Variants in PTH2R observed in about 807,000 individuals in gnomAD.
PTH2R encodes the protein PTH2 receptor.
Under a neutral mutation model 60.3 loss-of-function variants are expected in PTH2R, and 59 were observed. The observed-to-expected ratio is 0.98, with a 90% CI of 0.79 to 1.22. The LOEUF is 1.22. Among genes scored for constraint, PTH2R ranks in the 50% most tolerant of loss-of-function variants. The pLI is 0.00. For synonymous variants in PTH2R, 256 were observed against 243.8 expected (o/e 1.05, Z -0.47); for missense variants, 749 against 682.6 (o/e 1.10, Z -1.08).
chr2:208,420,917 A>T (rs977678097), intron 1 of PTH2R, among the ~76,000 whole-genome samples: 3 of 152,240 alleles, frequency 2.0e-5, no homozygotes, highest in Non-Finnish European at 2.9e-5. Flanking sequence ...GAATCCTTTC[A>T]TAGCCACAAC....
At chr2:208,426,288 A>G (rs1375113971) in intron 1 of PTH2R, among the ~76,000 whole-genome samples, 1 of 152,186 alleles carries the variant, frequency 6.6e-6, no homozygotes, top group Non-Finnish European at 1.5e-5. Flanking sequence ...TCCAGGAAAA[A>G]TTACTAACAT....
chr2:208,364,037 T>C (rs113044678), intron 1 of PTH2R, among the ~76,000 whole-genome samples: 4 of 152,286 alleles, frequency 2.6e-5, no homozygotes, highest in African/African-American at 9.6e-5. Flanking sequence ...TCAATTTTTG[T>C]TTTTGTTGCT....
intron 9 of PTH2R, among the ~76,000 whole-genome samples, chr2:208,463,202 C>T (rs1055176224): frequency 6.6e-6 from 1 of 152,134 alleles, no homozygotes; most frequent in African/African-American, 2.4e-5. Context: ...CTCATCTTCT[C>T]CCTCCTGCTG....
intron 1 of PTH2R, among the ~76,000 whole-genome samples, chr2:208,368,423 G>T (rs2125868135): frequency 6.6e-6 from 1 of 152,168 alleles, no homozygotes; most frequent in Admixed American, 6.5e-5. Context: ...TTCTTATACT[G>T]CCCCACCATT....
rs540162132 is a variant in PTH2R at position 208,477,282 on chromosome 2, C to T, written c.982-3788C>T. 3.3e-5 allele frequency among the ~76,000 whole-genome samples: 5 copies of T among 152,212 alleles called. No homozygotes were observed. The East Asian group carries it at 9.7e-4, about 29-fold the overall frequency. ...GCTTCTGAGAATAAGTGACATTCAG[C>T]CTGAACCCTGAGAACTTGGCTAGGA... is the stretch of plus-strand genomic sequence containing the variant. On this transcript the variant is annotated intron_variant, in intron 9 of 12. Coordinates refer to ENST00000272847, the MANE Select transcript of PTH2R (RefSeq NM_005048.4).
Position 208,493,374 on chromosome 2 carries a change from G to T in PTH2R, c.1368G>T (p.Thr456=). The T allele has an allele frequency of 1.2e-6, 2 of 1,608,268 alleles. No homozygotes were observed. Among genetic ancestry groups the T allele is most frequent in the South Asian group, 1.1e-5 (1 of 90,322 alleles). The part of the protein sequence containing the change: ...RRCGSVLTTV[T]HSTSSQSQVA... ...GCGGCTCAGTGCTCACCACCGTGAC[G>T]CACAGCACCAGCAGCCAGTCACAGG... The change falls in exon 13 of 13, where the codon ACG becomes ACT. Residue 456 remains threonine (T), a synonymous_variant. Transcript: ENST00000272847.
chr2:208,430,339 T>G (rs750414133), intron 2 of PTH2R, among the ~76,000 whole-genome samples: 1 of 152,168 alleles, frequency 6.6e-6, no homozygotes, highest in Non-Finnish European at 1.5e-5. Flanking sequence ...AATATGTTTA[T>G]AGTGATCTCA....
At chr2:208,424,355 T>TTAGCTGTCCTTGTGTTGC (rs1701815297) in intron 1 of PTH2R, among the ~76,000 whole-genome samples, 1 of 152,172 alleles carries the variant, frequency 6.6e-6, no homozygotes, top group South Asian at 2.1e-4. Flanking sequence ...GTATAAGTGG[T>TTAGCTGTCCTTGTGTTGC]TAGCTGTCCT....
At chr2:208,479,769 A>G (rs1430178325) in intron 9 of PTH2R, among the ~76,000 whole-genome samples, 1 of 152,240 alleles carries the variant, frequency 6.6e-6, no homozygotes, top group Non-Finnish European at 1.5e-5. Context: ...GACCTGGTTC[A>G]AATTCTAGCC....
chr2:208,379,622 G>A (rs1168808156), intron 1 of PTH2R, among the ~76,000 whole-genome samples: 1 of 125,088 alleles, frequency 8.0e-6, no homozygotes, highest in African/African-American at 2.5e-5. Context: ...CACTTTCGGA[G>A]GCCCAGGTGG....
intron 2 of PTH2R, among the ~76,000 whole-genome samples, chr2:208,431,184 T>C (rs1004782133): frequency 6.6e-6 from 1 of 152,344 alleles, no homozygotes; most frequent in Non-Finnish European, 1.5e-5. Flanking sequence ...CAGCTCTTTG[T>C]TCAGCTTTGT....
intron 2 of PTH2R, among the ~76,000 whole-genome samples, chr2:208,433,323 T>TA (rs1170960211): frequency 6.6e-6 from 1 of 152,246 alleles, no homozygotes; most frequent in Admixed American, 6.5e-5. Flanking sequence ...ACCTTTCAAT[T>TA]AAAATGTCTA....
chr2:208,448,246 G>A (rs1702329996), intron 7 of PTH2R, among the ~76,000 whole-genome samples: 1 of 152,118 alleles, frequency 6.6e-6, no homozygotes, highest in African/African-American at 2.4e-5. Context: ...CAAGATGCAT[G>A]CACTCTGACC....
At chr2:208,370,106 A>G (rs1377890414) in intron 1 of PTH2R, among the ~76,000 whole-genome samples, 2 of 152,100 alleles carry the variant, frequency 1.3e-5, no homozygotes, top group Non-Finnish European at 2.9e-5. Flanking sequence ...TGCTACTTCT[A>G]TATAAATTAG....
chr2:208,377,595 A>AC lies in PTH2R; in HGVS notation c.-259+17364dup, dbSNP rs1407362229. On this transcript the variant is annotated intron_variant, in intron 1 of 12. Coordinates refer to the PTH2R transcript ENST00000617735. ...GGGGCGGCTGGCCGGGCGGGGGCTG[A>AC]CCCCCCACCTGCCTCCGGGACAGGG... Among the ~76,000 whole-genome samples the AC allele has an allele frequency of 7.5e-5, 11 of 145,886 alleles. No homozygotes were observed. The East Asian group carries it at 1.4e-3, about 19-fold the overall frequency.
intron 2 of PTH2R, among the ~76,000 whole-genome samples, chr2:208,432,026 G>A (rs1010714553): frequency 6.6e-6 from 1 of 152,282 alleles, no homozygotes; most frequent in African/African-American, 2.4e-5. Flanking sequence ...GGAATCACTC[G>A]TGCAACTTCT....
At chr2:208,445,693 T>C (rs1360729789) in intron 7 of PTH2R, among the ~76,000 whole-genome samples, 1 of 152,188 alleles carries the variant, frequency 6.6e-6, no homozygotes, top group African/African-American at 2.4e-5. Flanking sequence ...TGAAGGTTTT[T>C]TTCCTCTCCA....
At chr2:208,408,894 A>G (rs1387077084) in intron 1 of PTH2R, among the ~76,000 whole-genome samples, 1 of 152,124 alleles carries the variant, frequency 6.6e-6, no homozygotes, top group Non-Finnish European at 1.5e-5. Flanking sequence ...CATTGTTGAC[A>G]TTTTGGGACA....
chr2:208,377,025 C>CA (rs1378771113), intron 1 of PTH2R, among the ~76,000 whole-genome samples: 1 of 151,966 alleles, frequency 6.6e-6, no homozygotes, highest in African/African-American at 2.4e-5. Flanking sequence ...TGCGGGCTTC[C>CA]ACAGTATTTG....
Sources: allele counts gnomAD v4.1 joint callset (sites outside exome capture counted in the v4.1 genomes callset), GRCh38; gene constraint gnomAD v4.1.1; transcripts MANE v1.5; gene names NCBI Gene and HGNC (gene_info 2026-07-23, HGNC 2026-07-21).